The following ROBO1 variants were observed in gnomAD, a reference collection of about 807,000 sequenced individuals.
ROBO1 encodes the protein roundabout guidance receptor 1.
Under a neutral mutation model 195.9 loss-of-function variants are expected in ROBO1, and 149 were observed. The ratio of observed to expected loss-of-function variants is 0.76; its 90% confidence interval spans 0.67 to 0.87. The LOEUF is 0.87. Ranked by LOEUF, ROBO1 falls within the 40% of genes least tolerant of loss-of-function variation. The pLI is 0.00. For missense variants in ROBO1, 1,933 were observed against 2,068.3 expected (o/e 0.93, Z 1.27); for synonymous variants, 816 against 733.2 (o/e 1.11, Z -1.82).
In ROBO1 at chr3:78,717,868, G is replaced by A. The variant is rs779993693; in HGVS notation, c.673C>T (p.Leu225Phe). 1.9e-6 allele frequency: 3 copies of A among 1,613,344 alleles called. No individual in the cohort carries two copies. Among genetic ancestry groups the A allele is most frequent in the East Asian group, 4.5e-5 (2 of 44,848 alleles). ...CTTTTACGGGTGTAAGTGATCATGA[G>A]CTTTCCTCCTCGTATCTTAAAAAAA... ...DERITIRGGK[L>F]MITYTRKSDA... The change falls in exon 6 of 31, where the codon CTC (leucine) becomes TTC (phenylalanine). Residue 225 changes from leucine to phenylalanine, a missense_variant. Leu to Phe is a conservative substitution (Grantham distance 22). Coordinates refer to ENST00000464233, the MANE Select transcript of ROBO1 (RefSeq NM_002941.4).
intron 1 of ROBO1, among the ~76,000 whole-genome samples, chr3:79,677,262 G>T (rs1172179448): frequency 6.6e-6 from 1 of 152,036 alleles, no homozygotes; most frequent in Non-Finnish European, 1.5e-5. Context: ...GATGTAAGAA[G>T]CTGTGTTAAG....
At chr3:79,116,035 T>A (rs2079987456) in intron 3 of ROBO1, among the ~76,000 whole-genome samples, 1 of 152,202 alleles carries the variant, frequency 6.6e-6, no homozygotes, top group East Asian at 1.9e-4. Context: ...AAGGAAGTAG[T>A]GTATGTTTTG....
At chr3:79,701,317 T>C (rs1947615969) in intron 1 of ROBO1, among the ~76,000 whole-genome samples, 1 of 151,784 alleles carries the variant, frequency 6.6e-6, no homozygotes, top group South Asian at 2.1e-4. Flanking sequence ...AGCTCTGTTT[T>C]GGTTCCTTAT....
intron 3 of ROBO1, among the ~76,000 whole-genome samples, chr3:78,952,080 GAC>G (rs1171281045): frequency 1.3e-5 from 2 of 151,292 alleles, no homozygotes; most frequent in African/African-American, 2.4e-5. Flanking sequence ...TTTCTTAACA[GAC>G]AGAAAAAACA....
intron 8 of ROBO1, among the ~76,000 whole-genome samples, chr3:78,696,743 T>C (rs2081306108): frequency 6.7e-6 from 1 of 148,208 alleles, no homozygotes. Flanking sequence ...TATACATATA[T>C]ATATACACAT....
chr3:78,977,657 G>C (rs1292902369), intron 3 of ROBO1, among the ~76,000 whole-genome samples: 1 of 151,186 alleles, frequency 6.6e-6, no homozygotes, highest in Non-Finnish European at 1.5e-5. Context: ...AGAAATAATG[G>C]AAAGTATAAA....
At position 79,288,718 on chromosome 3, in the gene ROBO1, G is replaced by A. The variant is rs545189157; in HGVS notation, c.89-163179C>T. ...AGTAAAATGACCTTCACCCTTCTGC[G>A]CCTATATATTGCTATTGTTAACACT... On this transcript the variant is annotated intron_variant, in intron 2 of 30. Transcript: ENST00000464233. 2.6e-4 allele frequency among the ~76,000 whole-genome samples: 40 copies of A among 152,086 alleles called. 1 individual carries two copies. The highest frequency in any genetic ancestry group is 6.8e-3 in the Middle Eastern group (2 of 292).
chr3:79,631,166 CA>C (rs1945329324), intron 1 of ROBO1, among the ~76,000 whole-genome samples: 1 of 133,596 alleles, frequency 7.5e-6, no homozygotes, highest in African/African-American at 3.4e-5. Context: ...TCATATGGAA[CA>C]AAAAAGAGCC....
chr3:79,702,424 T>C (rs1431983393), intron 1 of ROBO1, among the ~76,000 whole-genome samples: 1 of 151,896 alleles, frequency 6.6e-6, no homozygotes, highest in Non-Finnish European at 1.5e-5. Context: ...TAACTCATTG[T>C]CTCTTCTTTT....
intron 1 of ROBO1, among the ~76,000 whole-genome samples, chr3:79,594,941 A>G (rs1344994099): frequency 6.6e-6 from 1 of 151,986 alleles, no homozygotes; most frequent in Non-Finnish European, 1.5e-5. Context: ...ATTTTAATGA[A>G]CTTTATTGAA....
intron 4 of ROBO1, among the ~76,000 whole-genome samples, chr3:78,841,710 A>G (rs112710232): frequency 1.0e-3 from 154 of 152,310 alleles, no homozygotes; most frequent in African/African-American, 3.2e-3. Context: ...TAAATGAGAA[A>G]CAGAAAATAT....
chr3:79,400,860 CTT>C (rs1414999838), intron 2 of ROBO1, among the ~76,000 whole-genome samples: 2 of 151,794 alleles, frequency 1.3e-5, no homozygotes, highest in Non-Finnish European at 2.9e-5. Flanking sequence ...AAGATACCCT[CTT>C]ATATTTCTGT....
intron 1 of ROBO1, among the ~76,000 whole-genome samples, chr3:79,673,285 T>C (rs1204665867): frequency 6.6e-6 from 1 of 152,012 alleles, no homozygotes; most frequent in Admixed American, 6.6e-5. Context: ...TCATCAAGAA[T>C]TCTCTTGAGG....
At chr3:79,334,291 G>A (rs1241972504) in intron 2 of ROBO1, among the ~76,000 whole-genome samples, 1 of 121,882 alleles carries the variant, frequency 8.2e-6, no homozygotes, top group Non-Finnish European at 1.7e-5. Flanking sequence ...GACAGAGTGA[G>A]ACTCTGTCTA....
chr3:79,628,561 T>C (rs1053797412), intron 1 of ROBO1, among the ~76,000 whole-genome samples: 1 of 152,164 alleles, frequency 6.6e-6, no homozygotes, highest in Non-Finnish European at 1.5e-5. Flanking sequence ...GGTATACCTA[T>C]GTAACAAACC....
At chr3:79,632,873 G>A (rs1167645080) in intron 1 of ROBO1, among the ~76,000 whole-genome samples, 2 of 151,876 alleles carry the variant, frequency 1.3e-5, no homozygotes, top group African/African-American at 4.8e-5. Context: ...TTCCAAAAAA[G>A]ATATCTGATT....
In ROBO1 at chr3:78,670,283, G is replaced by C. The variant is rs1283506255; in HGVS notation, c.1361C>G (p.Pro454Arg). ...EVTDVIADRP[P>R]PVIRQGPVNQ... ...CACAGGACCTTGTCGAATAACTGGG[G>C]GAGGCCGATCTGCAATCACTGCCAG... The change falls in exon 11 of 31, where the codon CCC (proline) becomes CGC (arginine). Residue 454 changes from proline to arginine, a missense_variant. By Grantham distance (103) the Pro-to-Arg change is moderately radical. Around this residue, in one of 3 missense-constraint regions of ROBO1, gnomAD observed 1,737 missense variants for 1,882.5 expected, o/e 0.92. Transcript: ENST00000464233. 2 of 1,566,372 alleles carry C rather than the reference G, an allele frequency of 1.3e-6. No individual in the cohort carries two copies. Among genetic ancestry groups the C allele is most frequent in the Non-Finnish European group, 1.7e-6 (2 of 1,154,744 alleles).
intron 19 of ROBO1, among the ~76,000 whole-genome samples, chr3:78,649,185 T>C (rs1575839782): frequency 6.7e-6 from 1 of 148,170 alleles, no homozygotes; most frequent in South Asian, 2.1e-4. Context: ...AAGAATGGAG[T>C]GCCTGAACAT....
Position 78,597,572 on chromosome 3 carries a change from T to G in ROBO1, c.*1341A>C, listed in dbSNP as rs1054544088. On this transcript the variant is annotated 3_prime_UTR_variant, in exon 31 of 31. Transcript: ENST00000464233. Reference sequence around the variant, plus strand: ...TCTTCAAATAGCACCAATTATAAAATCAATGATATTCATAAAATGACAAAA... The same window carrying G: ...TCTTCAAATAGCACCAATTATAAAAGCAATGATATTCATAAAATGACAAAA... 2 of 152,280 alleles carry G rather than the reference T, an allele frequency of 1.3e-5. No homozygotes were observed. The highest frequency in any genetic ancestry group is 6.6e-5 in the Admixed American group (1 of 15,248). The allele number at this position is 152,280 out of a possible 1,614,324, so 9.4% of individuals were successfully genotyped here. A position where few individuals can be genotyped will look rare whatever the true frequency, so the allele number is the denominator to read the frequency against.
Sources: allele counts gnomAD v4.1 joint callset (sites outside exome capture counted in the v4.1 genomes callset), GRCh38; gene constraint gnomAD v4.1.1; regional missense constraint gnomAD v4.1.1; transcripts MANE v1.5; gene names NCBI Gene and HGNC (gene_info 2026-07-23, HGNC 2026-07-21).